Variants in CLRN1 observed in about 807,000 individuals in gnomAD.
The protein encoded by CLRN1 is clarin-1.
A neutral mutation model predicts 18.7 loss-of-function variants in CLRN1; 15 were observed. The observed-to-expected ratio is 0.80, with a 90% CI of 0.54 to 1.23. The LOEUF is 1.23. CLRN1 is among the 50% of genes most tolerant of loss of function. CLRN1 has a pLI of 0.00. For missense variants in CLRN1, 311 were observed against 277.5 expected, an observed-to-expected ratio of 1.12 and a Z score of -0.86; for synonymous variants, 104 against 102.9, an observed-to-expected ratio of 1.01 and a Z score of -0.07.
intron 1 of CLRN1, among the ~76,000 whole-genome samples, chr3:150,968,576 C>G (rs191169111): frequency 4.6e-5 from 7 of 152,300 alleles, no homozygotes; most frequent in Admixed American, 3.3e-4. Flanking sequence ...CAATAGGGAA[C>G]ATTTAATAGG....
At chr3:150,970,461 T>C (rs1715476738) in intron 1 of CLRN1, among the ~76,000 whole-genome samples, 2 of 152,120 alleles carry the variant, frequency 1.3e-5, no homozygotes, top group African/African-American at 4.8e-5. Context: ...ATCTATTTAT[T>C]TTGGTTTTCC....
rs751140837 is a variant in CLRN1, at chr3:150,972,468, A to G, written c.241T>C (p.Phe81Leu). Reference sequence around the variant, plus strand: ...AATTGCTACTTACATGAGAACCGAAAGGGCCTTGCTCCCAACCCACACTGC... The same window carrying G: ...AATTGCTACTTACATGAGAACCGAAGGGGCCTTGCTCCCAACCCACACTGC... ...VRQCGLGARPFRFSFFPDLLK... is the reference protein window; with the variant it reads ...VRQCGLGARPLRFSFFPDLLK... The change falls in exon 1 of 3, where the codon TTT becomes CTT. Residue 81 changes from phenylalanine to leucine, a missense_variant. Transcript: ENST00000327047. 6.2e-7 allele frequency: 1 copy of G among 1,614,132 alleles called. No individual in the cohort carries two copies. The highest frequency in any genetic ancestry group is 8.5e-7 in the Non-Finnish European group (1 of 1,180,038).
At chr3:150,933,470 T>C (rs1713277573) in intron 2 of CLRN1, among the ~76,000 whole-genome samples, 1 of 151,872 alleles carries the variant, frequency 6.6e-6, no homozygotes, top group African/African-American at 2.4e-5. Flanking sequence ...AGGTAGATAT[T>C]TGGAGGAAGA....
At chr3:150,959,578 G>A (rs951984235) in intron 1 of CLRN1, among the ~76,000 whole-genome samples, 6 of 147,606 alleles carry the variant, frequency 4.1e-5, no homozygotes, top group South Asian at 2.1e-4. Flanking sequence ...GCAGTGAGCC[G>A]AGATCACATC....
At chr3:150,935,390 C>A (rs1482739816) in intron 2 of CLRN1, among the ~76,000 whole-genome samples, 2 of 146,470 alleles carry the variant, frequency 1.4e-5, no homozygotes, top group East Asian at 4.2e-4. Context: ...TGAGAACATG[C>A]GGTGTTTGGT....
At chr3:150,963,293 A>C (rs915523252) in intron 1 of CLRN1, among the ~76,000 whole-genome samples, 1 of 152,246 alleles carries the variant, frequency 6.6e-6, no homozygotes, top group Non-Finnish European at 1.5e-5. Context: ...GAGCAAACTT[A>C]TGAGTGAACT....
chr3:150,951,795 AAG>A (rs966274763), intron 1 of CLRN1, among the ~76,000 whole-genome samples: 2 of 152,080 alleles, frequency 1.3e-5, no homozygotes, highest in Admixed American at 6.6e-5. Flanking sequence ...GAGTAGGAGA[AAG>A]AGAGAGAGGG....
intron 1 of CLRN1, among the ~76,000 whole-genome samples, chr3:150,943,505 C>A (rs959736659): frequency 6.6e-6 from 1 of 152,150 alleles, no homozygotes; most frequent in East Asian, 1.9e-4. Context: ...GTGACCTGCC[C>A]TTCCCATTCC....
intron 1 of CLRN1, among the ~76,000 whole-genome samples, chr3:150,956,331 A>G (rs1014997879): frequency 9.2e-5 from 14 of 152,232 alleles, no homozygotes; most frequent in African/African-American, 3.1e-4. Context: ...ATTTTGTAAT[A>G]TATATATTAA....
intron 1 of CLRN1, among the ~76,000 whole-genome samples, chr3:150,969,682 C>T (rs1715441890): frequency 6.6e-6 from 1 of 151,876 alleles, no homozygotes; most frequent in African/African-American, 2.4e-5. Flanking sequence ...TTTAGGTATG[C>T]AAAATAGTGT....
intron 2 of CLRN1, among the ~76,000 whole-genome samples, chr3:150,931,802 T>C (rs1051639751): frequency 2.0e-5 from 3 of 152,174 alleles, no homozygotes; most frequent in Non-Finnish European, 4.4e-5. Flanking sequence ...AGAGCCCAAA[T>C]TCACACGGTG....
intron 2 of CLRN1, 113 bp from the exon 3 acceptor site, chr3:150,928,314 A>G: frequency 7.7e-7 from 1 of 1,297,602 alleles, no homozygotes; most frequent in Non-Finnish European, 1.1e-6. Context: ...CATTGACATT[A>G]TCCACACAAA....
chr3:150,942,124 G>A (rs1455425140), intron 1 of CLRN1, among the ~76,000 whole-genome samples: 1 of 151,896 alleles, frequency 6.6e-6, no homozygotes, highest in Non-Finnish European at 1.5e-5. Flanking sequence ...ATCTTAACTT[G>A]CAATGATATT....
At chr3:150,948,067 G>A (rs972998672) in intron 1 of CLRN1, among the ~76,000 whole-genome samples, 6 of 152,102 alleles carry the variant, frequency 3.9e-5, no homozygotes, top group African/African-American at 1.4e-4. Flanking sequence ...CTGAAGGATT[G>A]ATACATGAAA....
At chr3:150,936,594 C>G (rs1230542462) in intron 2 of CLRN1, among the ~76,000 whole-genome samples, 2 of 152,144 alleles carry the variant, frequency 1.3e-5, no homozygotes, top group Non-Finnish European at 2.9e-5. Flanking sequence ...TCATCTTTTT[C>G]CATCTCCAAT....
At position 150,927,788 on chromosome 3, in the gene CLRN1, G is replaced by A. The variant is rs779485998; in HGVS notation, c.*148C>T. The stretch of plus-strand genomic sequence containing the variant: ...TTCTGCTTCCCTTACTTTCCAGCCT[G>A]TATCCTTAGTACGTAATTTGTAAAC... On this transcript the variant is annotated 3_prime_UTR_variant, in exon 3 of 3. Coordinates refer to ENST00000327047, the MANE Select transcript of CLRN1 (RefSeq NM_174878.3). The A allele has an allele frequency of 3.1e-5, 32 of 1,032,606 alleles. No individual in the cohort carries two copies. Among genetic ancestry groups the A allele is most frequent in the Non-Finnish European group, 2.8e-5 (19 of 677,304 alleles). The allele number at this position is 1,032,606 out of a possible 1,614,324, so 64.0% of individuals were successfully genotyped here. A position where few individuals can be genotyped will look rare whatever the true frequency, so the allele number is the denominator to read the frequency against.
At chr3:150,966,845 A>T (rs1476083551) in intron 1 of CLRN1, among the ~76,000 whole-genome samples, 1 of 152,238 alleles carries the variant, frequency 6.6e-6, no homozygotes, top group Non-Finnish European at 1.5e-5. Flanking sequence ...CAGTGGAGTC[A>T]TCATGTGACT....
Position 150,941,728 on chromosome 3 carries a change from C to G in CLRN1, c.287G>C (p.Ser96Thr), listed in dbSNP as rs767244695. Reference sequence around the variant, plus strand: ...GAAGAGAATGACATTGACGTGGATGCTCACTGGGATTGCTTTGAGCAAATC... The same window carrying G: ...GAAGAGAATGACATTGACGTGGATGGTCACTGGGATTGCTTTGAGCAAATC... ...FPDLLKAIPV[S>T]IHVNVILFSA... is the part of the protein sequence containing the mutation. Residue 96 changes from serine (S) to threonine (T), a missense_variant, in exon 2 of 3, where the codon AGC (serine) becomes ACC (threonine). Coordinates refer to ENST00000327047, the MANE Select transcript of CLRN1 (RefSeq NM_174878.3). 6 of 1,614,020 alleles carry G rather than the reference C, an allele frequency of 3.7e-6. No individual in the cohort carries two copies. In the East Asian group the frequency reaches 1.1e-4, roughly 30 times the overall value.
chr3:150,928,040 G>T lies in CLRN1; in HGVS notation c.595C>A (p.His199Asn), dbSNP rs772130474. 1.2e-6 allele frequency: 2 copies of T among 1,614,070 alleles called. No homozygotes were observed. The highest frequency in any genetic ancestry group is 1.7e-6 in the Non-Finnish European group (2 of 1,179,998). Residue 199 changes from histidine (H) to asparagine (N), a missense_variant, in exon 3 of 3, where the codon CAT (histidine) becomes AAT (asparagine). Physicochemically the swap from His to Asn is moderately conservative, Grantham distance 68. Coordinates refer to ENST00000327047, the MANE Select transcript of CLRN1 (RefSeq NM_174878.3). ...CGTATTAGGAGCCCATTCAGAAAAT[G>T]AACAAAAAAGCAAAAGAAAATGACC... ...FWVIFFCFFV[H>N]FLNGLLIRLA...
Sources: gnomAD v4.1 joint callset for allele counts (sites outside exome capture counted in the v4.1 genomes callset) on GRCh38, gnomAD v4.1.1 for gene constraint, MANE v1.5 for transcripts, NCBI Gene and HGNC (gene_info 2026-07-23, HGNC 2026-07-21) for gene names.